TTC6: variants seen among roughly 807,000 people sequenced by gnomAD.
The protein encoded by TTC6 is tetratricopeptide repeat protein 6.
Under a neutral mutation model 210.4 loss-of-function variants are expected in TTC6, and 172 were observed. The ratio of observed to expected loss-of-function variants is 0.82; its 90% CI spans 0.72 to 0.93. The LOEUF is 0.93. Ranked by LOEUF, TTC6 falls within the 40% of genes least tolerant of loss-of-function variation. The pLI, the probability that TTC6 is intolerant of heterozygous loss-of-function variation, is 0.00. For synonymous variants in TTC6, 804 were observed against 819.6 expected (o/e 0.98, Z 0.32); for missense variants, 2,414 against 2,318.1 (o/e 1.04, Z -0.85).
chr14:37,786,493 G>C (rs1393345081), intron 14 of TTC6, among the ~76,000 whole-genome samples: 1 of 152,208 alleles, frequency 6.6e-6, no homozygotes, highest in Admixed American at 6.5e-5. Flanking sequence ...TATTAGGGTT[G>C]GAGTGAGTCA....
chr14:37,825,411 C>G (rs1383493863), intron 27 of TTC6, among the ~76,000 whole-genome samples: 1 of 152,042 alleles, frequency 6.6e-6, no homozygotes, highest in Admixed American at 6.6e-5. Context: ...ATATGAGAGT[C>G]CCTAGGCTCA....
intron 1 of TTC6, among the ~76,000 whole-genome samples, chr14:37,644,219 G>C (rs2095697584): frequency 6.6e-6 from 1 of 152,108 alleles, no homozygotes. Context: ...ATTAATAGTG[G>C]ATTAGACAGG....
chr14:37,753,199 C>T (rs1243061522), exon 14 of TTC6: 10 of 1,534,628 alleles, frequency 6.5e-6, no homozygotes, highest in Non-Finnish European at 7.9e-6. Flanking sequence ...GATTTTACAG[C>T]CTTGTTAAAT....
At chr14:37,783,828 G>T (rs908425556) in intron 14 of TTC6, among the ~76,000 whole-genome samples, 7 of 152,132 alleles carry the variant, frequency 4.6e-5, no homozygotes, top group African/African-American at 1.7e-4. Context: ...CTGGGATTTT[G>T]TGTCTTTGTT....
chr14:37,737,209 C>G (rs1018648724), intron 8 of TTC6, among the ~76,000 whole-genome samples: 1 of 152,062 alleles, frequency 6.6e-6, no homozygotes, highest in Non-Finnish European at 1.5e-5. Flanking sequence ...AGTGGTAACA[C>G]TTGCGTGGTT....
chr14:37,678,934 G>A (rs552470542), intron 1 of TTC6, among the ~76,000 whole-genome samples: 1 of 152,192 alleles, frequency 6.6e-6, no homozygotes, highest in South Asian at 2.1e-4. Flanking sequence ...AAAATTTCAT[G>A]TAGGCCAGGC....
At chr14:37,629,919 G>C (rs935099219) in intron 1 of TTC6, among the ~76,000 whole-genome samples, 1 of 152,090 alleles carries the variant, frequency 6.6e-6, no homozygotes, top group African/African-American at 2.4e-5. Context: ...TTATTGATTT[G>C]AGTATGTTGA....
intron 1 of TTC6, among the ~76,000 whole-genome samples, chr14:37,627,729 G>T (rs902328097): frequency 1.3e-5 from 2 of 152,162 alleles, no homozygotes; most frequent in African/African-American, 4.8e-5. Context: ...TTGGTTCCAA[G>T]TCTTTGCTAT....
chr14:37,820,531 A>G (rs1432593085), intron 26 of TTC6, among the ~76,000 whole-genome samples: 4 of 152,190 alleles, frequency 2.6e-5, no homozygotes, highest in Admixed American at 1.3e-4. Context: ...CATAAACCAT[A>G]TATTAGAATA....
intron 21 of TTC6, among the ~76,000 whole-genome samples, chr14:37,805,416 G>GACACACACAC (rs60931072): frequency 0.022 from 3,180 of 146,462 alleles, 48 homozygotes; most frequent in Non-Finnish European, 0.029. Context: ...TCTATCTCAA[G>GACACACACAC]ACACACACAC....
intron 1 of TTC6, among the ~76,000 whole-genome samples, chr14:37,633,512 T>C (rs1278071182): frequency 6.6e-6 from 1 of 152,132 alleles, no homozygotes; most frequent in East Asian, 1.9e-4. Context: ...AATGCAGAAA[T>C]CACCTGCCTA....
chr14:37,835,272 T>C (rs2096195128), intron 29 of TTC6, among the ~76,000 whole-genome samples: 1 of 152,164 alleles, frequency 6.6e-6, no homozygotes, highest in African/African-American at 2.4e-5. Flanking sequence ...ATTGTAGAAA[T>C]ACTATTTTTT....
chr14:37,631,953 T>C (rs2095670758), intron 1 of TTC6, among the ~76,000 whole-genome samples: 1 of 152,214 alleles, frequency 6.6e-6, no homozygotes. Context: ...GTTATGTTTT[T>C]TCAGCTTCAT....
chr14:37,671,493 T>A (rs1169696799), intron 1 of TTC6, among the ~76,000 whole-genome samples: 1 of 152,106 alleles, frequency 6.6e-6, no homozygotes, highest in African/African-American at 2.4e-5. Flanking sequence ...TTGTTGAACA[T>A]CAGGATAGGT....
chr14:37,827,068 G>A, intron 28 of TTC6, 128 bp from the exon 31 acceptor site: 1 of 657,126 alleles, frequency 1.5e-6, no homozygotes, highest in Non-Finnish European at 2.3e-6. Flanking sequence ...TGTTCTACTG[G>A]AGTTTTACAT....
At chr14:37,751,359 A>G in intron 13 of TTC6, 134 bp downstream of exon 15, 1 of 527,348 alleles carries the variant, frequency 1.9e-6, no homozygotes, top group Admixed American at 4.1e-5. Flanking sequence ...ACAGGTTAGG[A>G]GCTAGAGTTT....
Position 37,736,015 on chromosome 14 carries a change from G to C in TTC6, c.1908+5G>C. The C allele has an allele frequency of 6.7e-7, 1 of 1,488,882 alleles. No homozygotes were observed. Among genetic ancestry groups the C allele is most frequent in the South Asian group, 1.2e-5 (1 of 81,742 alleles). 92.2% of individuals were successfully genotyped at this position (1,488,882 alleles called of 1,614,324 possible). On this transcript the variant is annotated splice_donor_5th_base_variant and intron_variant, in intron 8 of 30. Coordinates refer to ENST00000553443, the Ensembl canonical transcript of TTC6. ...CATAGCAGAACAAATTTTTGGGTAT[G>C]TACAATTTTTGTTCTTAATTAGGAT...
chr14:37,763,842 T>G (rs1266970644), intron 14 of TTC6, among the ~76,000 whole-genome samples: 1 of 151,752 alleles, frequency 6.6e-6, no homozygotes, highest in Non-Finnish European at 1.5e-5. Flanking sequence ...TTCTGCTTGC[T>G]TTAGGTTTAG....
At chr14:37,831,258 A>G (rs930605193) in intron 29 of TTC6, among the ~76,000 whole-genome samples, 1 of 152,150 alleles carries the variant, frequency 6.6e-6, no homozygotes, top group African/African-American at 2.4e-5. Context: ...ATAGGATTTT[A>G]TTCTTTTTAA....
Sources: gnomAD v4.1 joint callset for allele counts (sites outside exome capture counted in the v4.1 genomes callset) on GRCh38, gnomAD v4.1.1 for gene constraint, MANE v1.5 for transcripts, NCBI Gene and HGNC (gene_info 2026-07-23, HGNC 2026-07-21) for gene names.